The following ERBB4 variants were observed in gnomAD, a reference collection of about 807,000 sequenced individuals.
ERBB4 encodes receptor tyrosine-protein kinase erbB-4.
A neutral mutation model predicts 158.0 loss-of-function variants in ERBB4; 42 were observed. The observed-to-expected ratio is 0.27, with a 90% CI of 0.21 to 0.34. The LOEUF is 0.34. ERBB4 is among the 10% of genes least tolerant of loss of function. The probability of loss-of-function intolerance (pLI) is 1.00; values close to 1 mark genes in which losing one functional copy is unlikely to be tolerated. For missense variants in ERBB4, 1,333 were observed against 1,624.1 expected (o/e 0.82, Z 3.08); for synonymous variants, 583 against 558.7 (o/e 1.04, Z -0.61).
intron 1 of ERBB4, among the ~76,000 whole-genome samples, chr2:212,192,138 CTA>C (rs1336098373): frequency 7.8e-5 from 9 of 114,692 alleles, no homozygotes; most frequent in East Asian, 5.7e-4. Context: ...GTTATGTTAT[CTA>C]TATGTTATAT....
intron 1 of ERBB4, among the ~76,000 whole-genome samples, chr2:212,278,984 T>A (rs2085648723): frequency 1.3e-5 from 2 of 151,630 alleles, no homozygotes; most frequent in African/African-American, 4.8e-5. Context: ...GCATATATGT[T>A]GCAGATTATA....
At chr2:211,404,293 C>T (rs1326086263) in intron 25 of ERBB4, among the ~76,000 whole-genome samples, 1 of 152,036 alleles carries the variant, frequency 6.6e-6, no homozygotes, top group East Asian at 1.9e-4. Flanking sequence ...GCCAAGTTTT[C>T]TACGCCTTTG....
At chr2:211,761,309 TAGA>T (rs1384722856) in intron 4 of ERBB4, among the ~76,000 whole-genome samples, 4 of 152,132 alleles carry the variant, frequency 2.6e-5, no homozygotes, top group Non-Finnish European at 4.4e-5. Context: ...CTGAGAACTC[TAGA>T]AGTGTTTTTG....
chr2:211,992,560 AGAGAG>A lies in ERBB4; in HGVS notation c.235-44949_235-44945del, dbSNP rs1470178831. On this transcript the variant is annotated intron_variant, in intron 2 of 27. Transcript: ENST00000342788. Reference sequence around the variant, plus strand: ...GAGAGACAGTGAGAGAGAGAGAGAGAGAGAGAGAAAAAAAAAAAAAACATGAGTTT... The same window carrying A: ...GAGAGACAGTGAGAGAGAGAGAGAGAAGAAAAAAAAAAAAAACATGAGTTT... Among the ~76,000 whole-genome samples, 9 of 66,728 alleles carry A rather than the reference AGAGAG, an allele frequency of 1.3e-4. No individual in the cohort carries two copies. In the South Asian group the frequency reaches 4.5e-3, roughly 33 times the overall value. 43.8% of individuals were successfully genotyped at this position (66,728 alleles called of 152,430 possible). A position where few individuals can be genotyped will look rare whatever the true frequency, so the allele number is the denominator to read the frequency against.
intron 3 of ERBB4, among the ~76,000 whole-genome samples, chr2:211,880,112 T>C (rs1472925105): frequency 6.6e-6 from 1 of 152,024 alleles, no homozygotes; most frequent in Admixed American, 6.6e-5. Context: ...TATGTCCTCA[T>C]ATTTTCTGAA....
chr2:211,655,345 G>T (rs2071171211), intron 16 of ERBB4, among the ~76,000 whole-genome samples: 1 of 152,144 alleles, frequency 6.6e-6, no homozygotes, highest in Non-Finnish European at 1.5e-5. Flanking sequence ...TTGATGTACA[G>T]AAAGATAATA....
At chr2:212,078,415 C>T (rs943791877) in intron 2 of ERBB4, among the ~76,000 whole-genome samples, 9 of 151,630 alleles carry the variant, frequency 5.9e-5, no homozygotes, top group African/African-American at 1.9e-4. Context: ...AATGAAACAG[C>T]GTAGATAATA....
intron 2 of ERBB4, among the ~76,000 whole-genome samples, chr2:212,075,690 A>G (rs1466860244): frequency 1.3e-5 from 2 of 151,946 alleles, no homozygotes; most frequent in African/African-American, 4.8e-5. Flanking sequence ...TTGGTTTTAT[A>G]TAATATTCAT....
intron 1 of ERBB4, among the ~76,000 whole-genome samples, chr2:212,499,682 G>C (rs569364435): frequency 6.6e-6 from 1 of 152,186 alleles, no homozygotes; most frequent in Non-Finnish European, 1.5e-5. Context: ...AACCATCCAT[G>C]TTTGAAGGAA....
chr2:212,270,916 C>T (rs1407083211), intron 1 of ERBB4, among the ~76,000 whole-genome samples: 1 of 151,750 alleles, frequency 6.6e-6, no homozygotes, highest in East Asian at 1.9e-4. Flanking sequence ...CCCTAGACAT[C>T]GTGGAACGGA....
At chr2:211,772,423 T>C (rs1261181997) in intron 4 of ERBB4, among the ~76,000 whole-genome samples, 1 of 151,774 alleles carries the variant, frequency 6.6e-6, no homozygotes, top group African/African-American at 2.4e-5. Flanking sequence ...TTCCACTAAA[T>C]CAGAAACAGA....
intron 2 of ERBB4, among the ~76,000 whole-genome samples, chr2:212,092,019 C>T (rs2078794546): frequency 1.3e-5 from 2 of 152,104 alleles, no homozygotes; most frequent in Admixed American, 6.6e-5. Flanking sequence ...GATATGTCTC[C>T]AGTTCCACTT....
intron 2 of ERBB4, among the ~76,000 whole-genome samples, chr2:212,053,331 C>A (rs1344135845): frequency 5.3e-5 from 8 of 152,188 alleles, no homozygotes; most frequent in Non-Finnish European, 1.0e-4. Flanking sequence ...GACCAAATTA[C>A]CCCTGGACTG....
At chr2:211,589,519 C>T (rs1400678984) in intron 19 of ERBB4, among the ~76,000 whole-genome samples, 2 of 152,136 alleles carry the variant, frequency 1.3e-5, no homozygotes, top group Admixed American at 1.3e-4. Context: ...AATAGCTTAG[C>T]CATCAGTCTC....
At chr2:211,996,665 A>T (rs965526868) in intron 2 of ERBB4, among the ~76,000 whole-genome samples, 1 of 152,168 alleles carries the variant, frequency 6.6e-6, no homozygotes. Context: ...TCTATGTGCA[A>T]ACCTTGATTA....
At chr2:211,689,856 A>G (rs2072727492) in intron 12 of ERBB4, among the ~76,000 whole-genome samples, 1 of 151,952 alleles carries the variant, frequency 6.6e-6, no homozygotes, top group South Asian at 2.1e-4. Flanking sequence ...TTGTATTATG[A>G]GAACAACTTG....
At chr2:212,354,715 A>C (rs1272916555) in intron 1 of ERBB4, among the ~76,000 whole-genome samples, 2 of 152,094 alleles carry the variant, frequency 1.3e-5, no homozygotes, top group Non-Finnish European at 2.9e-5. Flanking sequence ...AGACCAACAG[A>C]CCCTTTCATG....
chr2:211,957,853 C>G (rs2081074689), intron 2 of ERBB4, among the ~76,000 whole-genome samples: 1 of 152,208 alleles, frequency 6.6e-6, no homozygotes, highest in Middle Eastern at 3.4e-3. Flanking sequence ...TTAAGAGTGA[C>G]AGTTTCATGT....
chr2:211,435,480 A>AT lies in ERBB4; in HGVS notation c.2488-4381dup, dbSNP rs150370038. ...CTTGCTCCAAGTTATCTAATCAGGG[A>AT]TCCCCAACCCCTGGGCCATGGAGCA... On this transcript the variant is annotated intron_variant, in intron 20 of 27. Coordinates refer to ENST00000342788, the MANE Select transcript of ERBB4 (RefSeq NM_005235.3). Among the ~76,000 whole-genome samples, 70 of 152,292 alleles carry AT rather than the reference A, an allele frequency of 4.6e-4. 1 individual carries two copies. The highest frequency in any genetic ancestry group is 1.6e-3 in the African/African-American group (67 of 41,566).
Sources: allele counts gnomAD v4.1 joint callset (sites outside exome capture counted in the v4.1 genomes callset), GRCh38; gene constraint gnomAD v4.1.1; transcripts MANE v1.5; gene names NCBI Gene and HGNC (gene_info 2026-07-23, HGNC 2026-07-21).